The following GRIP1 variants were observed in gnomAD, a reference collection of about 807,000 sequenced individuals.
GRIP1 encodes glutamate receptor interacting protein 1, also known as glutamate receptor-interacting protein 1.
GRIP1 carries 45 observed loss-of-function variants against 129.9 expected under a neutral mutation model. The ratio of observed to expected loss-of-function variants is 0.35; its 90% confidence interval spans 0.27 to 0.44. GRIP1 has a LOEUF of 0.44. GRIP1 is among the 20% of genes least tolerant of loss of function. The probability of loss-of-function intolerance (pLI) is 1.00; values close to 1 mark genes in which losing one functional copy is unlikely to be tolerated. For synonymous variants in GRIP1, 530 were observed against 520.8 expected (o/e 1.02, Z -0.24); for missense variants, 1,196 against 1,396.8 (o/e 0.86, Z 2.29).
At position 66,627,395 on chromosome 12, in the gene GRIP1, CTCAT is replaced by C. The variant is rs1387745880; in HGVS notation, c.56-30472_56-30469del. Among the ~76,000 whole-genome samples, 4 of 152,284 alleles carry C rather than the reference CTCAT, an allele frequency of 2.6e-5. No individual in the cohort carries two copies. The East Asian group carries it at 7.7e-4, about 29-fold the overall frequency. On this transcript the variant is annotated intron_variant, in intron 1 of 24. Transcript: ENST00000359742. ...AAATATCAGTTCACTTTCTCATTCA[CTCAT>C]TAATTCAGCAAATATCCACAGTATG...
At chr12:66,438,028 C>T (rs1181840844) in intron 13 of GRIP1, among the ~76,000 whole-genome samples, 1 of 152,224 alleles carries the variant, frequency 6.6e-6, no homozygotes, top group African/African-American at 2.4e-5. Context: ...GACATTTCAC[C>T]ACTAATGTTC....
At chr12:66,853,836 T>C (rs972784166) in intron 1 of GRIP1, among the ~76,000 whole-genome samples, 2 of 152,084 alleles carry the variant, frequency 1.3e-5, no homozygotes, top group African/African-American at 4.8e-5. Context: ...GGATATAATT[T>C]GACAATTCTT....
intron 1 of GRIP1, among the ~76,000 whole-genome samples, chr12:66,845,577 CTG>C (rs2039799614): frequency 6.6e-6 from 1 of 152,142 alleles, no homozygotes; most frequent in Non-Finnish European, 1.5e-5. Flanking sequence ...CCCAAGAAAA[CTG>C]TAATTTTTGT....
At chr12:66,349,279 C>T (rs199527178) in intron 24 of GRIP1, 33 bp from the exon 25 acceptor site, 9 of 1,512,444 alleles carry the variant, frequency 6.0e-6, no homozygotes, top group African/African-American at 2.7e-5. Context: ...TTTGAATTAT[C>T]GTTGTAACCA....
rs141325733 is a variant in GRIP1 at position 67,048,757 on chromosome 12, C to T, written c.58+20293G>A. Among the ~76,000 whole-genome samples the T allele has an allele frequency of 3.3e-5, 5 of 152,260 alleles. No homozygotes were observed. In the East Asian group the frequency reaches 7.7e-4, roughly 24 times the overall value. On this transcript the variant is annotated intron_variant, in intron 1 of 1. Coordinates refer to the GRIP1 transcript ENST00000643019. ...TTCTCATGATAGTGAATAAGTCTCACGAATACCTAACAGTTTTTAAAATGA... is the reference window on the plus strand; with the variant it reads ...TTCTCATGATAGTGAATAAGTCTCATGAATACCTAACAGTTTTTAAAATGA...
upstream of GRIP1, among the ~76,000 whole-genome samples, chr12:66,682,421 G>A (rs1296022554): frequency 1.3e-5 from 2 of 152,076 alleles, no homozygotes; most frequent in Non-Finnish European, 2.9e-5. Context: ...TGAAATATTT[G>A]GAATATCACC....
rs12227766 is a variant in GRIP1, at chr12:66,723,664, T to C, written c.-420+80389A>G. Reference sequence around the variant, plus strand: ...AAACAAGGAGTTCTGCACCCACACATGGCTTCACCATGGAGCTTTCTGAGA... The same window carrying C: ...AAACAAGGAGTTCTGCACCCACACACGGCTTCACCATGGAGCTTTCTGAGA... On this transcript the variant is annotated intron_variant, in intron 1 of 4. Transcript: ENST00000538373. Among the ~76,000 whole-genome samples, 343 of 152,176 alleles carry C rather than the reference T, an allele frequency of 2.3e-3. 11 individuals are homozygous for C. The East Asian group carries it at 0.061, about 27-fold the overall frequency.
chr12:66,662,988 C>A (rs1181854938), intron 1 of GRIP1, among the ~76,000 whole-genome samples: 1 of 152,170 alleles, frequency 6.6e-6, no homozygotes, highest in African/African-American at 2.4e-5. Context: ...CATAATACTG[C>A]TGTCAGAATC....
Position 66,541,850 on chromosome 12 carries a change from T to C in GRIP1, c.237A>G (p.Arg79=). ...SGGIDKDGKP[R]VSNLRQGGIA... ...TTCCTCCTTGCCGCAGATTAGATACTCTTGGCTTGCCATCCTTATCAATTC... is the reference window on the plus strand; with the variant it reads ...TTCCTCCTTGCCGCAGATTAGATACCCTTGGCTTGCCATCCTTATCAATTC... Residue 79 remains arginine (R), a synonymous_variant, in exon 3 of 25, where the codon AGA becomes AGG. Coordinates refer to ENST00000359742, the MANE Select transcript of GRIP1 (RefSeq NM_001366722.1). The C allele has an allele frequency of 6.2e-7, 1 of 1,614,120 alleles. No individual in the cohort carries two copies. The highest frequency in any genetic ancestry group is 8.5e-7 in the Non-Finnish European group (1 of 1,179,948).
At chr12:66,904,581 A>T (rs1250542454) in intron 1 of GRIP1, among the ~76,000 whole-genome samples, 1 of 152,220 alleles carries the variant, frequency 6.6e-6, no homozygotes, top group African/African-American at 2.4e-5. Flanking sequence ...CATTCCTTTA[A>T]ATAGGAAGCT....
chr12:66,624,338 C>T (rs759160284), intron 1 of GRIP1, among the ~76,000 whole-genome samples: 11 of 151,960 alleles, frequency 7.2e-5, no homozygotes, highest in Non-Finnish European at 1.2e-4. Flanking sequence ...AAATATGTAA[C>T]AAGATGATTT....
At chr12:66,682,333 T>C (rs1395616504), upstream of GRIP1, among the ~76,000 whole-genome samples, 1 of 152,124 alleles carries the variant, frequency 6.6e-6, no homozygotes, top group Non-Finnish European at 1.5e-5. Flanking sequence ...TGAAAGACCA[T>C]TACGTATCAA....
chr12:66,814,641 G>C (rs1364527939), intron 1 of GRIP1, among the ~76,000 whole-genome samples: 1 of 150,546 alleles, frequency 6.6e-6, no homozygotes, highest in Non-Finnish European at 1.5e-5. Flanking sequence ...TTACATTCTG[G>C]GGGGAGAATG....
chr12:67,063,691 C>T (rs191637736), intron 1 of GRIP1, among the ~76,000 whole-genome samples: 7 of 152,076 alleles, frequency 4.6e-5, no homozygotes, highest in Admixed American at 4.6e-4. Flanking sequence ...TAATAGTTTG[C>T]CATCTGCAGC....
At chr12:66,470,160 A>C (rs898251932) in intron 7 of GRIP1, among the ~76,000 whole-genome samples, 3 of 152,136 alleles carry the variant, frequency 2.0e-5, no homozygotes, top group African/African-American at 7.2e-5. Flanking sequence ...TTTAAATTGA[A>C]TATCTCATCA....
chr12:66,888,838 T>C (rs573054421), intron 1 of GRIP1, among the ~76,000 whole-genome samples: 7 of 152,238 alleles, frequency 4.6e-5, no homozygotes, highest in African/African-American at 1.2e-4. Flanking sequence ...AAAAGCCACA[T>C]TTAAATAAAT....
intron 1 of GRIP1, among the ~76,000 whole-genome samples, chr12:66,863,444 G>A (rs1317891558): frequency 1.3e-5 from 2 of 152,112 alleles, no homozygotes; most frequent in African/African-American, 4.8e-5. Flanking sequence ...GAAGAGTGGT[G>A]AGTAAGTGTG....
At chr12:66,916,103 G>C (rs969481899) in intron 1 of GRIP1, among the ~76,000 whole-genome samples, 7 of 152,190 alleles carry the variant, frequency 4.6e-5, no homozygotes, top group African/African-American at 1.4e-4. Context: ...TGGAGCCTAT[G>C]GGTCCTAAGT....
chr12:66,427,573 T>A (rs949423505), intron 14 of GRIP1, among the ~76,000 whole-genome samples: 1 of 152,194 alleles, frequency 6.6e-6, no homozygotes, highest in African/African-American at 2.4e-5. Context: ...TGGTTCCCCA[T>A]AGAAACTAAA....
Sources: allele counts gnomAD v4.1 joint callset (sites outside exome capture counted in the v4.1 genomes callset), GRCh38; gene constraint gnomAD v4.1.1; transcripts MANE v1.5; gene names NCBI Gene and HGNC (gene_info 2026-07-23, HGNC 2026-07-21).